The following MYBL2 variants were observed in gnomAD, a reference collection of about 807,000 sequenced individuals.
The protein encoded by MYBL2 is myb-related protein B.
A neutral mutation model predicts 79.9 loss-of-function variants in MYBL2; 28 were observed. That is an observed-to-expected ratio of 0.35 (90% CI 0.26 to 0.48). MYBL2 has a LOEUF of 0.48. Among genes scored for constraint, MYBL2 ranks in the 20% least tolerant of loss-of-function variants. The pLI is 0.99. For synonymous variants in MYBL2, 378 were observed against 361.2 expected (o/e 1.05, Z -0.53); for missense variants, 735 against 893.9 (o/e 0.82, Z 2.27).
intron 10 of MYBL2, among the ~76,000 whole-genome samples, chr20:43,710,643 CA>C (rs762905680): frequency 5.3e-5 from 8 of 152,146 alleles, no homozygotes; most frequent in Non-Finnish European, 1.0e-4. Flanking sequence ...GTTGTGGAGG[CA>C]CTGGACTGTG....
At chr20:43,676,479 G>A (rs1987012806) in intron 2 of MYBL2, among the ~76,000 whole-genome samples, 1 of 152,156 alleles carries the variant, frequency 6.6e-6, no homozygotes, top group African/African-American at 2.4e-5. Flanking sequence ...CTTTTGCTCA[G>A]CATTGTGTTG....
intron 13 of MYBL2, among the ~76,000 whole-genome samples, 168 bp downstream of exon 13, chr20:43,715,451 A>G (rs1988010089): frequency 1.3e-5 from 2 of 152,016 alleles, no homozygotes; most frequent in African/African-American, 4.8e-5. Context: ...CCGTGGCTGC[A>G]TTTGCTTAAC....
chr20:43,697,999 A>G (rs963672683), intron 6 of MYBL2, among the ~76,000 whole-genome samples: 2 of 146,852 alleles, frequency 1.4e-5, no homozygotes, highest in Non-Finnish European at 3.0e-5. Context: ...TTCTTTTACT[A>G]TTAATGAGGG....
chr20:43,693,472 G>A (rs1987461857), intron 6 of MYBL2, among the ~76,000 whole-genome samples: 1 of 152,100 alleles, frequency 6.6e-6, no homozygotes, highest in South Asian at 2.1e-4. Context: ...CCGAGTAGCT[G>A]GGATTACAGG....
chr20:43,688,900 C>T (rs1406988937), intron 5 of MYBL2, among the ~76,000 whole-genome samples: 1 of 152,162 alleles, frequency 6.6e-6, no homozygotes, highest in Non-Finnish European at 1.5e-5. Context: ...AGTGATTCTC[C>T]TGCCTCAGCC....
intron 5 of MYBL2, among the ~76,000 whole-genome samples, chr20:43,687,925 T>C (rs1568859302): frequency 6.6e-6 from 1 of 151,046 alleles, no homozygotes; most frequent in African/African-American, 2.4e-5. Flanking sequence ...TGAGGCAGAA[T>C]TGCTTGAACC....
chr20:43,692,531 T>G (rs1005863618), intron 6 of MYBL2, among the ~76,000 whole-genome samples: 2 of 152,172 alleles, frequency 1.3e-5, no homozygotes, highest in African/African-American at 4.8e-5. Flanking sequence ...TATATAAAAC[T>G]GTGAATTAGT....
chr20:43,715,698 G>A (rs1271986131), intron 13 of MYBL2, among the ~76,000 whole-genome samples: 1 of 152,174 alleles, frequency 6.6e-6, no homozygotes, highest in Non-Finnish European at 1.5e-5. Context: ...CCTGGCTGTG[G>A]CTTCTCCTCG....
chr20:43,682,912 C>A (rs1322929103), intron 4 of MYBL2, 26 bp downstream of exon 4: 3 of 1,597,304 alleles, frequency 1.9e-6, no homozygotes, highest in African/African-American at 2.7e-5. Flanking sequence ...GTGCCTTGCA[C>A]ACAGTGGGTC....
chr20:43,715,890 C>G, intron 13 of MYBL2, 69 bp from the exon 14 acceptor site: 1 of 1,520,684 alleles, frequency 6.6e-7, no homozygotes. Flanking sequence ...CTTCCCTGGC[C>G]AGGATCACCA....
At chr20:43,700,101 T>A (rs1987647417) in intron 7 of MYBL2, 57 bp downstream of exon 7, 1 of 1,572,782 alleles carries the variant, frequency 6.4e-7, no homozygotes, top group African/African-American at 1.4e-5. Flanking sequence ...AGGAAGTGCT[T>A]CTCTCTCAGG....
chr20:43,706,718 A>ATTTTTTTT (rs1491241868), intron 9 of MYBL2, among the ~76,000 whole-genome samples: 4 of 3,338 alleles, frequency 1.2e-3, no homozygotes, highest in Non-Finnish European at 2.6e-3. Flanking sequence ...AAAAAAAAAA[A>ATTTTTTTT]GTTTTTTTTT....
In MYBL2 at chr20:43,702,646, G is replaced by A. The variant is rs1326553646; in HGVS notation, c.1108G>A (p.Glu370Lys). ...TTCCGCCCTGGTGCCCAGTGTGACC[G>A]AGTACCGCCTGGATGGCCACACCAT... Reference protein sequence around the residue: ...QPSALVPSVTEYRLDGHTISD... With the variant: ...QPSALVPSVTKYRLDGHTISD... The change falls in exon 8 of 14, where the codon GAG becomes AAG. Residue 370 changes from glutamate to lysine, a missense_variant. Transcript: ENST00000217026. 10 of 1,614,036 alleles carry A rather than the reference G, an allele frequency of 6.2e-6. No homozygotes were observed. Among genetic ancestry groups the A allele is most frequent in the Admixed American group, 3.3e-5 (2 of 60,020 alleles).
At chr20:43,670,794 ACTTGC>A (rs1305253193) in intron 1 of MYBL2, among the ~76,000 whole-genome samples, 1 of 152,122 alleles carries the variant, frequency 6.6e-6, no homozygotes, top group East Asian at 1.9e-4. Flanking sequence ...TCCAAACAAG[ACTTGC>A]CTTGTTTGGA....
chr20:43,673,708 A>G, intron 1 of MYBL2, 98 bp from the exon 2 acceptor site: 1 of 1,117,016 alleles, frequency 9.0e-7, no homozygotes, highest in Non-Finnish European at 1.4e-6. Flanking sequence ...TCTCCCCCAG[A>G]CCTTTCCCTA....
intron 1 of MYBL2, among the ~76,000 whole-genome samples, chr20:43,671,788 C>G (rs548677175): frequency 6.6e-6 from 1 of 151,670 alleles, no homozygotes; most frequent in Non-Finnish European, 1.5e-5. Flanking sequence ...ATTTTTGTAA[C>G]TATTAAACTG....
At chr20:43,670,692 T>C (rs1986833647) in intron 1 of MYBL2, among the ~76,000 whole-genome samples, 1 of 152,086 alleles carries the variant, frequency 6.6e-6, no homozygotes, top group Non-Finnish European at 1.5e-5. Context: ...TATGGAAGTA[T>C]AGGAGTGACT....
chr20:43,680,308 A>G (rs427015), intron 2 of MYBL2, among the ~76,000 whole-genome samples: 128,483 of 152,152 alleles, frequency 0.84, 54,415 homozygotes, highest in Non-Finnish European at 0.88. Flanking sequence ...GGTTAAAGGC[A>G]TGAGCCACTG....
chr20:43,703,406 T>C (rs1308083284), intron 8 of MYBL2, among the ~76,000 whole-genome samples: 1 of 152,186 alleles, frequency 6.6e-6, no homozygotes. Flanking sequence ...CACTGAGAAC[T>C]CACTGTTCTG....
Sources: allele counts gnomAD v4.1 joint callset (sites outside exome capture counted in the v4.1 genomes callset), GRCh38; gene constraint gnomAD v4.1.1; transcripts MANE v1.5; gene names NCBI Gene and HGNC (gene_info 2026-07-23, HGNC 2026-07-21).